ACVR2A: variants seen among roughly 807,000 people sequenced by gnomAD.
ACVR2A encodes the protein activin A receptor type 2A.
A neutral mutation model predicts 61.4 loss-of-function variants in ACVR2A; 7 were observed. The ratio of observed to expected loss-of-function variants is 0.11; its 90% CI spans 0.06 to 0.21. The LOEUF (loss-of-function observed/expected upper bound fraction) is 0.21. Among genes scored for constraint, ACVR2A ranks in the 10% least tolerant of loss-of-function variants. ACVR2A has a pLI of 1.00. For synonymous variants in ACVR2A, 193 were observed against 208.3 expected, an observed-to-expected ratio of 0.93 and a Z score of 0.63; for missense variants, 322 against 621.7, an observed-to-expected ratio of 0.52 and a Z score of 5.13.
intron 1 of ACVR2A, among the ~76,000 whole-genome samples, chr2:147,868,415 G>A (rs1685928643): frequency 6.6e-6 from 1 of 152,134 alleles, no homozygotes; most frequent in African/African-American, 2.4e-5. Flanking sequence ...AATGGAGCCT[G>A]GGATGCCATG....
intron 4 of ACVR2A, chr2:147,900,522 C>T (rs1270440042): frequency 6.6e-6 from 1 of 151,966 alleles, no homozygotes; most frequent in Admixed American, 6.6e-5. Flanking sequence ...TCTTGATTGT[C>T]ACACATCACA....
chr2:147,874,040 G>T (rs751112597), intron 1 of ACVR2A, among the ~76,000 whole-genome samples: 1 of 151,950 alleles, frequency 6.6e-6, no homozygotes, highest in Non-Finnish European at 1.5e-5. Flanking sequence ...TTTTTGTAAA[G>T]TAAGAACTGG....
intron 8 of ACVR2A, among the ~76,000 whole-genome samples, chr2:147,921,587 C>T (rs569951926): frequency 6.6e-6 from 1 of 152,060 alleles, no homozygotes; most frequent in African/African-American, 2.4e-5. Flanking sequence ...GGGTAATGGT[C>T]AGTAGCCATA....
At chr2:147,852,669 C>G (rs1685475755) in intron 1 of ACVR2A, among the ~76,000 whole-genome samples, 1 of 152,024 alleles carries the variant, frequency 6.6e-6, no homozygotes, top group Non-Finnish European at 1.5e-5. Flanking sequence ...GGCGCTGAAA[C>G]AACATTAGAT....
At chr2:147,848,386 G>T (rs569878758) in intron 1 of ACVR2A, among the ~76,000 whole-genome samples, 1 of 152,090 alleles carries the variant, frequency 6.6e-6, no homozygotes, top group East Asian at 1.9e-4. Flanking sequence ...CCATCCATGG[G>T]ACATTTGGAG....
At chr2:147,869,900 GGTGGGACAGTGAGAACAGTAT>G (rs1473347025) in intron 1 of ACVR2A, among the ~76,000 whole-genome samples, 2 of 152,136 alleles carry the variant, frequency 1.3e-5, no homozygotes, top group East Asian at 3.9e-4. Context: ...ACTAAGATGG[GGTGGGACAGTGAGAACAGTAT>G]GTTTGCAGTG....
intron 4 of ACVR2A, among the ~76,000 whole-genome samples, chr2:147,914,344 A>T (rs1284185114): frequency 6.6e-6 from 1 of 151,952 alleles, no homozygotes; most frequent in Admixed American, 6.6e-5. Context: ...AATGCTTTCA[A>T]TGGAGGGTTG....
At chr2:147,881,806 C>A (rs974476839) in intron 1 of ACVR2A, among the ~76,000 whole-genome samples, 1 of 151,854 alleles carries the variant, frequency 6.6e-6, no homozygotes, top group Non-Finnish European at 1.5e-5. Context: ...GCTAACTAAC[C>A]TGCATTCAAT....
intron 1 of ACVR2A, among the ~76,000 whole-genome samples, chr2:147,887,430 A>G (rs925395117): frequency 2.0e-5 from 3 of 152,184 alleles, no homozygotes; most frequent in Non-Finnish European, 2.9e-5. Flanking sequence ...TCAGTCATGA[A>G]AATATTACAC....
rs1045126946 is a variant in ACVR2A, at chr2:147,927,919, TAATA to T, written c.*649_*652del. ...ATTGAAAACACTAACAAAATTTGAA[TAATA>T]AATCGATCCATGTTTTGTAACAAAT... On this transcript the variant is annotated 3_prime_UTR_variant, in exon 11 of 11. Transcript: ENST00000241416. 2 of 152,342 alleles carry T rather than the reference TAATA, an allele frequency of 1.3e-5. No homozygotes were observed. The highest frequency in any genetic ancestry group is 2.4e-5 in the African/African-American group (1 of 41,406). 9.4% of individuals were successfully genotyped at this position (152,342 alleles called of 1,614,324 possible). A position where few individuals can be genotyped will look rare whatever the true frequency, so the allele number is the denominator to read the frequency against.
At chr2:147,877,901 C>T (rs1460859761) in intron 1 of ACVR2A, among the ~76,000 whole-genome samples, 3 of 152,168 alleles carry the variant, frequency 2.0e-5, no homozygotes, top group South Asian at 2.1e-4. Context: ...GCTGTAACTT[C>T]GATCCTTGCT....
intron 4 of ACVR2A, among the ~76,000 whole-genome samples, chr2:147,901,183 T>A (rs1686864740): frequency 6.6e-6 from 1 of 152,076 alleles, no homozygotes; most frequent in African/African-American, 2.4e-5. Context: ...GGCCATAGGA[T>A]ACACTTTACC....
At chr2:147,863,930 A>G (rs1165120266) in intron 1 of ACVR2A, among the ~76,000 whole-genome samples, 1 of 152,238 alleles carries the variant, frequency 6.6e-6, no homozygotes, top group African/African-American at 2.4e-5. Context: ...TCTTCTTAAA[A>G]TGATTATACC....
At chr2:147,900,401 A>T (rs1238454826) in intron 4 of ACVR2A, 1 of 152,630 alleles carries the variant, frequency 6.6e-6, no homozygotes, top group East Asian at 1.9e-4. Flanking sequence ...TTTTGTAGGG[A>T]AGAGGAGCAG....
chr2:147,927,195 T>A lies in ACVR2A; in HGVS notation c.1463T>A (p.Ile488Asn). 6.2e-7 allele frequency: 1 copy of A among 1,612,284 alleles called. No homozygotes were observed. The highest frequency in any genetic ancestry group is 8.5e-7 in the Non-Finnish European group (1 of 1,178,832). The change falls in exon 11 of 11, where the codon ATT becomes AAT. Residue 488 changes from isoleucine to asparagine, a missense_variant. Ile to Asn is a moderately radical substitution (Grantham distance 149). Coordinates refer to ENST00000241416, the MANE Select transcript of ACVR2A (RefSeq NM_001616.5). ...RITQMQRLTN[I>N]ITTEDIVTVV... ...ACCCAGATGCAGAGACTAACAAATATTATTACCACAGAGGACATTGTAACA... is the reference window on the plus strand; with the variant it reads ...ACCCAGATGCAGAGACTAACAAATAATATTACCACAGAGGACATTGTAACA...
intron 1 of ACVR2A, among the ~76,000 whole-genome samples, chr2:147,874,768 T>C (rs546627896): frequency 6.6e-6 from 1 of 152,098 alleles, no homozygotes; most frequent in African/African-American, 2.4e-5. Flanking sequence ...AGGAGTTGGG[T>C]AGGAATAATA....
chr2:147,899,596 T>A, intron 3 of ACVR2A, 29 bp downstream of exon 3: 1 of 1,600,632 alleles, frequency 6.2e-7, no homozygotes, highest in Non-Finnish European at 8.5e-7. Context: ...TACGTAGGTT[T>A]GCTCAACTGT....
intron 4 of ACVR2A, among the ~76,000 whole-genome samples, chr2:147,902,374 C>T (rs559943628): frequency 1.3e-5 from 2 of 152,096 alleles, no homozygotes; most frequent in South Asian, 4.2e-4. Flanking sequence ...GCTGTTCTGC[C>T]TCTTTTTTCA....
intron 1 of ACVR2A, among the ~76,000 whole-genome samples, chr2:147,875,581 T>G (rs1268125876): frequency 6.6e-6 from 1 of 152,054 alleles, no homozygotes; most frequent in Admixed American, 6.6e-5. Context: ...GGCCTGCAAA[T>G]CAGCATTTTG....
Sources: gnomAD v4.1 joint callset for allele counts (sites outside exome capture counted in the v4.1 genomes callset) on GRCh38, gnomAD v4.1.1 for gene constraint, MANE v1.5 for transcripts, NCBI Gene and HGNC (gene_info 2026-07-23, HGNC 2026-07-21) for gene names.